The following ARFGEF1 variants were observed in gnomAD, a reference collection of about 807,000 sequenced individuals.
ARFGEF1 encodes the protein brefeldin A-inhibited guanine nucleotide-exchange protein 1.
A neutral mutation model predicts 231.0 loss-of-function variants in ARFGEF1; 42 were observed. The observed-to-expected ratio is 0.18, with a 90% confidence interval of 0.14 to 0.24. The LOEUF is 0.24. Ranked by LOEUF, ARFGEF1 falls within the 10% of genes least tolerant of loss-of-function variation. The pLI is 1.00. For synonymous variants in ARFGEF1, 710 were observed against 732.3 expected (o/e 0.97, Z 0.49); for missense variants, 1,345 against 2,192.0 (o/e 0.61, Z 7.72).
At chr8:67,333,331 C>T (rs1587340844) in intron 1 of ARFGEF1, among the ~76,000 whole-genome samples, 4 of 133,924 alleles carry the variant, frequency 3.0e-5, no homozygotes, top group African/African-American at 1.1e-4. Context: ...CCATGCCTGG[C>T]CTTTTTTTTT....
intron 5 of ARFGEF1, among the ~76,000 whole-genome samples, chr8:67,189,075 C>A (rs1311942327): frequency 6.6e-6 from 1 of 152,190 alleles, no homozygotes. Context: ...TGAGATACCA[C>A]CACATACCTG....
intron 1 of ARFGEF1, among the ~76,000 whole-genome samples, chr8:67,308,341 T>C (rs922306772): frequency 6.6e-6 from 1 of 152,178 alleles, no homozygotes; most frequent in African/African-American, 2.4e-5. Flanking sequence ...TTAGAGAGAA[T>C]GGGGTTTGAA....
chr8:67,200,189 A>G (rs1838276564), intron 38 of ARFGEF1: 1 of 621,072 alleles, frequency 1.6e-6, no homozygotes, highest in Non-Finnish European at 3.0e-6. Context: ...AGAACTGCTA[A>G]TTAGTGAACA....
chr8:67,323,145 G>A (rs1239582236), intron 1 of ARFGEF1, among the ~76,000 whole-genome samples: 1 of 145,410 alleles, frequency 6.9e-6, no homozygotes, highest in Non-Finnish European at 1.5e-5. Context: ...CCAGCTACTC[G>A]GGAGGCTGAG....
intron 13 of ARFGEF1, 83 bp from the exon 14 acceptor site, chr8:67,266,290 C>T (rs1383495679): frequency 9.6e-6 from 10 of 1,042,494 alleles, no homozygotes; most frequent in Non-Finnish European, 1.4e-5. Flanking sequence ...TTGAATAAGG[C>T]AAGGCGTTTC....
intron 4 of ARFGEF1, among the ~76,000 whole-genome samples, chr8:67,297,761 G>A (rs1378497486): frequency 1.3e-5 from 2 of 151,300 alleles, no homozygotes; most frequent in Non-Finnish European, 2.9e-5. Flanking sequence ...AACCATAAAT[G>A]ACATGAAACT....
intron 18 of ARFGEF1, 82 bp from the exon 19 acceptor site, chr8:67,251,532 C>A (rs1370990322): frequency 1.6e-6 from 2 of 1,279,620 alleles, no homozygotes; most frequent in Non-Finnish European, 2.1e-6. Flanking sequence ...AAATAATAAA[C>A]ACCACCAGTA....
At chr8:67,301,598 G>A (rs527401977) in intron 2 of ARFGEF1, among the ~76,000 whole-genome samples, 1 of 152,288 alleles carries the variant, frequency 6.6e-6, no homozygotes, top group African/African-American at 2.4e-5. Context: ...ACAAGACGCT[G>A]AAATCTTGTC....
At chr8:67,317,721 A>C (rs1402607729) in intron 1 of ARFGEF1, among the ~76,000 whole-genome samples, 3 of 150,364 alleles carry the variant, frequency 2.0e-5, no homozygotes, top group African/African-American at 7.4e-5. Flanking sequence ...GACCAGCCCA[A>C]CATGGTGAAA....
chr8:67,278,541 AC>A (rs1805404134), intron 7 of ARFGEF1, among the ~76,000 whole-genome samples: 1 of 152,090 alleles, frequency 6.6e-6, no homozygotes, highest in Non-Finnish European at 1.5e-5. Flanking sequence ...AAATTAGAAC[AC>A]CCTGGAATAG....
chr8:67,296,355 C>T, intron 5 of ARFGEF1, 76 bp downstream of exon 5: 3 of 1,313,568 alleles, frequency 2.3e-6, no homozygotes, highest in South Asian at 3.1e-5. Context: ...AGATTTCACT[C>T]TAATTACTGT....
At chr8:67,336,868 C>G (rs574865895) in intron 1 of ARFGEF1, among the ~76,000 whole-genome samples, 2 of 151,856 alleles carry the variant, frequency 1.3e-5, no homozygotes, top group African/African-American at 4.8e-5. Context: ...CGGTGGCTCA[C>G]GCCTGTAATC....
chr8:67,312,936 A>T (rs1158837795), intron 1 of ARFGEF1, among the ~76,000 whole-genome samples: 1 of 152,256 alleles, frequency 6.6e-6, no homozygotes, highest in Non-Finnish European at 1.5e-5. Context: ...AAACTCCAGC[A>T]GAACAATCAA....
intron 14 of ARFGEF1, among the ~76,000 whole-genome samples, chr8:67,264,584 A>G (rs1362441856): frequency 2.0e-5 from 3 of 152,144 alleles, no homozygotes; most frequent in Non-Finnish European, 4.4e-5. Flanking sequence ...GAAAGAAAAA[A>G]CAGCCCACAA....
intron 29 of ARFGEF1, among the ~76,000 whole-genome samples, chr8:67,222,913 A>G (rs1439310165): frequency 1.3e-5 from 2 of 152,178 alleles, no homozygotes; most frequent in Non-Finnish European, 2.9e-5. Context: ...ATACACAAAC[A>G]CCACCGTATT....
At chr8:67,287,869 C>T in intron 7 of ARFGEF1, 86 bp downstream of exon 7, 1 of 910,664 alleles carries the variant, frequency 1.1e-6, no homozygotes, top group Non-Finnish European at 1.5e-6. Context: ...TTAATTTTGC[C>T]CTTTCTATTC....
At chr8:67,191,714 T>G (rs2129575437) in intron 5 of ARFGEF1, among the ~76,000 whole-genome samples, 1 of 152,366 alleles carries the variant, frequency 6.6e-6, no homozygotes, top group East Asian at 1.9e-4. Context: ...GTATGGATAC[T>G]ATTAATGTTC....
At chr8:67,175,633 G>A in intron 5 of ARFGEF1, 1 of 698,840 alleles carries the variant, frequency 1.4e-6, no homozygotes, top group South Asian at 1.5e-5. Flanking sequence ...CTAGGGTGGT[G>A]TATTCATGCA....
intron 10 of ARFGEF1, among the ~76,000 whole-genome samples, chr8:67,271,130 A>C (rs1460541224): frequency 1.3e-5 from 2 of 151,764 alleles, no homozygotes; most frequent in Non-Finnish European, 2.9e-5. Flanking sequence ...AGTTCTACTA[A>C]ATCTCTGACA....
Sources: allele counts gnomAD v4.1 joint callset (sites outside exome capture counted in the v4.1 genomes callset), GRCh38; gene constraint gnomAD v4.1.1; transcripts MANE v1.5; gene names NCBI Gene and HGNC (gene_info 2026-07-23, HGNC 2026-07-21).